Variants in UBAP2 observed in about 807,000 individuals in gnomAD.
UBAP2 encodes ubiquitin-associated protein 2.
UBAP2 carries 75 observed loss-of-function variants against 139.6 expected under a neutral mutation model. That is an observed-to-expected ratio of 0.54 (90% CI 0.45 to 0.65). The LOEUF (loss-of-function observed/expected upper bound fraction) is 0.65, where lower values mean the gene tolerates loss of function less well. UBAP2 is among the 30% of genes least tolerant of loss of function. The pLI is 0.00. For missense variants in UBAP2, 1,368 were observed against 1,369.6 expected (o/e 1.00, Z 0.02); for synonymous variants, 526 against 526.2 (o/e 1.00, Z 0.01).
At chr9:33,996,180 T>A (rs1394430654) in intron 4 of UBAP2, 43 bp downstream of exon 4, 3 of 1,462,588 alleles carry the variant, frequency 2.1e-6, no homozygotes, top group Non-Finnish European at 2.9e-6. Context: ...GCTACGGAAT[T>A]GGAGACAAAT....
Position 33,988,991 on chromosome 9 carries a change from C to T in UBAP2, c.424G>A (p.Gly142Ser), listed in dbSNP as rs767389517. Residue 142 changes from glycine to serine, a missense_variant, in exon 5 of 29, where the codon GGC becomes AGC. By Grantham distance (56) the Gly-to-Ser change is moderately conservative. Coordinates refer to ENST00000379238, the MANE Select transcript of UBAP2 (RefSeq NM_001370062.2). ...RGNNNRKGRG[G>S]NRGREFRGEE... is the part of the protein sequence containing the mutation. ...TACTTACATTCTCTGCCACGATTGC[C>T]GCCTCTTCCTTTCCGGTTGTTGTTT... 15 of 1,612,918 alleles carry T rather than the reference C, an allele frequency of 9.3e-6. No individual in the cohort carries two copies. Among genetic ancestry groups the T allele is most frequent in the Non-Finnish European group, 1.1e-5 (13 of 1,179,612 alleles).
chr9:34,031,444 A>C (rs1385798179), intron 1 of UBAP2, among the ~76,000 whole-genome samples: 1 of 152,032 alleles, frequency 6.6e-6, no homozygotes, highest in East Asian at 1.9e-4. Flanking sequence ...AGTAGCTGGG[A>C]TTACAGATGC....
chr9:33,983,594 A>AG (rs1820953091), intron 6 of UBAP2, among the ~76,000 whole-genome samples: 1 of 152,210 alleles, frequency 6.6e-6, no homozygotes, highest in African/African-American at 2.4e-5. Flanking sequence ...CTCCCTGGTG[A>AG]GACACAGTAA....
chr9:33,962,645 A>AAAATAAAT (rs57313855), intron 9 of UBAP2, among the ~76,000 whole-genome samples: 8,109 of 139,146 alleles, frequency 0.058, 383 homozygotes, highest in African/African-American at 0.12. Flanking sequence ...CTCTATCTCA[A>AAAATAAAT]AAATAAATAA....
chr9:33,924,420 G>A (rs936638522), intron 22 of UBAP2, 136 bp from the exon 23 acceptor site: 52 of 836,182 alleles, frequency 6.2e-5, no homozygotes, highest in Non-Finnish European at 9.5e-5. Flanking sequence ...CCCAGGGAAC[G>A]CCAAGTAAAT....
intron 1 of UBAP2, among the ~76,000 whole-genome samples, chr9:34,037,653 AGTT>A (rs1266956331): frequency 2.0e-5 from 3 of 152,200 alleles, no homozygotes; most frequent in Admixed American, 1.3e-4. Flanking sequence ...TAACAGCAGT[AGTT>A]ATTTCTTGCT....
chr9:33,978,719 G>A (rs976692173), intron 6 of UBAP2, among the ~76,000 whole-genome samples: 4 of 152,106 alleles, frequency 2.6e-5, no homozygotes, highest in African/African-American at 4.8e-5. Context: ...GGGGGAGCGT[G>A]CAATGAGCCG....
At chr9:33,999,849 ACTACGTAT>A (rs1822533507) in intron 2 of UBAP2, among the ~76,000 whole-genome samples, 1 of 147,056 alleles carries the variant, frequency 6.8e-6, no homozygotes, top group African/African-American at 2.6e-5. Flanking sequence ...AGCTGGGATT[ACTACGTAT>A]GTATGTATGT....
chr9:33,951,083 C>T (rs1391799219), intron 12 of UBAP2, among the ~76,000 whole-genome samples: 2 of 152,126 alleles, frequency 1.3e-5, no homozygotes, highest in African/African-American at 4.8e-5. Flanking sequence ...GGCTGGAGGG[C>T]CACAGAACAA....
intron 2 of UBAP2, among the ~76,000 whole-genome samples, chr9:34,012,747 T>C (rs932897340): frequency 5.3e-5 from 8 of 151,902 alleles, no homozygotes; most frequent in Admixed American, 6.6e-5. Context: ...AAAGTAGATG[T>C]GACAGAAATG....
At chr9:33,939,750 G>C (rs1348387948) in intron 16 of UBAP2, among the ~76,000 whole-genome samples, 3 of 83,714 alleles carry the variant, frequency 3.6e-5, no homozygotes, top group African/African-American at 1.5e-4. Context: ...GAGGGAGAAG[G>C]GGGGGAGGGG....
At chr9:33,986,098 G>A (rs1821184093) in intron 6 of UBAP2, among the ~76,000 whole-genome samples, 1 of 151,750 alleles carries the variant, frequency 6.6e-6, no homozygotes, top group Admixed American at 6.6e-5. Context: ...ACTTGCCCAG[G>A]CTGGAGTGCA....
rs565537379 is a variant in UBAP2, at chr9:33,922,405, G to T, written c.*99C>A. 19 of 1,201,490 alleles carry T rather than the reference G, an allele frequency of 1.6e-5. 1 individual carries two copies. In the South Asian group the frequency reaches 2.2e-4, roughly 14 times the overall value. The allele number at this position is 1,201,490 out of a possible 1,614,324, so 74.4% of individuals were successfully genotyped here. On this transcript the variant is annotated 3_prime_UTR_variant, in exon 29 of 29. Coordinates refer to ENST00000379238, the MANE Select transcript of UBAP2 (RefSeq NM_001370062.2). ...CACAGAGGCATGGCTGACACATGTCGGGAATTCTAGGAAAGGGCACTGGGC... is the reference window on the plus strand; with the variant it reads ...CACAGAGGCATGGCTGACACATGTCTGGAATTCTAGGAAAGGGCACTGGGC...
intron 6 of UBAP2, among the ~76,000 whole-genome samples, chr9:33,981,714 C>A (rs905095175): frequency 8.0e-5 from 12 of 150,724 alleles, no homozygotes; most frequent in Non-Finnish European, 1.5e-4. Flanking sequence ...TTGATACTAG[C>A]CAAGGCAACA....
At chr9:33,971,098 C>A (rs549363244) in intron 8 of UBAP2, among the ~76,000 whole-genome samples, 4 of 152,138 alleles carry the variant, frequency 2.6e-5, no homozygotes, top group Non-Finnish European at 5.9e-5. Context: ...CCACCGCGCC[C>A]AGCTAAATTA....
At chr9:34,038,474 G>T (rs532497309) in intron 1 of UBAP2, among the ~76,000 whole-genome samples, 1 of 152,174 alleles carries the variant, frequency 6.6e-6, no homozygotes, top group Admixed American at 6.5e-5. Context: ...TGGTGGAGAC[G>T]GGGTTTCGCT....
rs183116963 is a variant in UBAP2 at position 33,942,841 on chromosome 9, T to C, written c.1715+579A>G. ...ACATGTGGAGAAATTAGATCCCTCATAGACTACTGGTAGGAATGTCAAATG... is the reference window on the plus strand; with the variant it reads ...ACATGTGGAGAAATTAGATCCCTCACAGACTACTGGTAGGAATGTCAAATG... On this transcript the variant is annotated intron_variant, in intron 15 of 28. Transcript: ENST00000379238. 1.0e-3 allele frequency among the ~76,000 whole-genome samples: 153 copies of C among 152,266 alleles called. 1 individual carries two copies. The highest frequency in any genetic ancestry group is 3.4e-3 in the Middle Eastern group (1 of 292).
intron 4 of UBAP2, among the ~76,000 whole-genome samples, chr9:33,989,781 T>C (rs867637662): frequency 6.6e-6 from 1 of 152,132 alleles, no homozygotes; most frequent in Non-Finnish European, 1.5e-5. Context: ...AGGCCTTAAA[T>C]CTACTTATTA....
intron 5 of UBAP2, among the ~76,000 whole-genome samples, chr9:33,988,560 T>C (rs1330846054): frequency 6.6e-6 from 1 of 152,224 alleles, no homozygotes; most frequent in Admixed American, 6.5e-5. Flanking sequence ...AACAGCTTTA[T>C]CTACCTGTAA....
Sources: gnomAD v4.1 joint callset for allele counts (sites outside exome capture counted in the v4.1 genomes callset) on GRCh38, gnomAD v4.1.1 for gene constraint, MANE v1.5 for transcripts, NCBI Gene and HGNC (gene_info 2026-07-23, HGNC 2026-07-21) for gene names.